GK: variants seen among roughly 807,000 people sequenced by gnomAD.
GK encodes the protein glycerol kinase, also known as ATP:glycerol 3-phosphotransferase.
A neutral mutation model predicts 56.4 loss-of-function variants in GK; 9 were observed. The observed-to-expected ratio is 0.16, with a 90% CI of 0.10 to 0.28. The LOEUF (loss-of-function observed/expected upper bound fraction) is 0.28. GK is among the 10% of genes least tolerant of loss of function. The pLI, the probability that GK is intolerant of heterozygous loss-of-function variation, is 1.00. For missense variants in GK, 161 were observed against 431.4 expected (o/e 0.37, Z 5.55); for synonymous variants, 104 against 144.1 (o/e 0.72, Z 1.99).
intron 16 of GK, 111 bp from the exon 17 acceptor site, chrX:30,720,510 T>A: frequency 1.4e-6 from 1 of 721,009 alleles, no homozygotes; most frequent in Non-Finnish European, 2.2e-6. Flanking sequence ...AGTCTCAATT[T>A]ATTCCATAGG....
chrX:30,654,493 A>G lies in GK; in HGVS notation c.78+878A>G, dbSNP rs182526092. Among the ~76,000 whole-genome samples the G allele has an allele frequency of 6.9e-4, 77 of 112,065 alleles. No homozygotes were observed. The South Asian group carries it at 7.4e-3, about 11-fold the overall frequency. ...CGCGGTGGCTTACACGTGTAATCCCAACAGTTTGGGAGGCTGAGGCGGGTG... is the reference window on the plus strand; with the variant it reads ...CGCGGTGGCTTACACGTGTAATCCCGACAGTTTGGGAGGCTGAGGCGGGTG... On this transcript the variant is annotated intron_variant, in intron 1 of 20. Transcript: ENST00000427190.
At chrX:30,708,927 T>G (rs1168708252) in intron 13 of GK, among the ~76,000 whole-genome samples, 1 of 111,903 alleles carries the variant, frequency 8.9e-6, no homozygotes, top group African/African-American at 3.2e-5. Context: ...AAACATTTTA[T>G]TAGTCATTAT....
chrX:30,671,248 G>A (rs1269562689), intron 3 of GK, among the ~76,000 whole-genome samples: 1 of 92,265 alleles, frequency 1.1e-5, no homozygotes, highest in Non-Finnish European at 2.0e-5. Flanking sequence ...CCGAGATGGC[G>A]CCATTGCACT....
intron 1 of GK, among the ~76,000 whole-genome samples, chrX:30,654,461 G>A (rs1053909056): frequency 8.9e-6 from 1 of 112,235 alleles, no homozygotes; most frequent in Admixed American, 9.5e-5. Context: ...AAGTAATTGA[G>A]GCCGGGCGCG....
At chrX:30,653,814 C>T (rs1350393254) in intron 1 of GK, among the ~76,000 whole-genome samples, 199 bp downstream of exon 1, 1 of 112,678 alleles carries the variant, frequency 8.9e-6, no homozygotes, top group Admixed American at 9.3e-5. Flanking sequence ...TCATGACCCC[C>T]ATGGCCGAGT....
chrX:30,669,009 G>A (rs1255066760), intron 3 of GK, among the ~76,000 whole-genome samples: 1 of 110,534 alleles, frequency 9.0e-6, no homozygotes, highest in Non-Finnish European at 1.9e-5. Flanking sequence ...TTTGGTTTTT[G>A]CCAGAGCTCC....
intron 2 of GK, among the ~76,000 whole-genome samples, 199 bp from the exon 3 acceptor site, chrX:30,667,813 A>G (rs1275334927): frequency 8.9e-6 from 1 of 112,260 alleles, no homozygotes; most frequent in Non-Finnish European, 1.9e-5. Context: ...ATTAATTACT[A>G]TGTGGAGAAT....
chrX:30,675,025 G>T (rs1933779255), intron 3 of GK, among the ~76,000 whole-genome samples: 1 of 110,921 alleles, frequency 9.0e-6, no homozygotes, highest in Non-Finnish European at 1.9e-5. Flanking sequence ...ATGTTTAGGT[G>T]GGGTCAGTTG....
chrX:30,711,856 G>C (rs570247585), intron 13 of GK, among the ~76,000 whole-genome samples: 16 of 111,585 alleles, frequency 1.4e-4, no homozygotes, highest in African/African-American at 3.9e-4. Flanking sequence ...TTTGCCCCAC[G>C]ATCACAACTT....
chrX:30,692,841 T>C (rs1188501665), intron 5 of GK, among the ~76,000 whole-genome samples: 2 of 109,488 alleles, frequency 1.8e-5, no homozygotes, highest in African/African-American at 6.6e-5. Context: ...AATTTACAGG[T>C]TGCATTAAAG....
chrX:30,717,135 G>T (rs1196634122), intron 13 of GK, among the ~76,000 whole-genome samples: 1 of 111,478 alleles, frequency 9.0e-6, no homozygotes, highest in Non-Finnish European at 1.9e-5. Context: ...TTGTAATTCA[G>T]TTAATAGAAC....
intron 5 of GK, 44 bp from the exon 6 acceptor site, chrX:30,694,356 T>C (rs371647856): frequency 1.1e-5 from 13 of 1,154,151 alleles, no homozygotes; most frequent in Non-Finnish European, 1.5e-5. Context: ...TGTTTTAAAC[T>C]GTTACACTTT....
intron 6 of GK, among the ~76,000 whole-genome samples, chrX:30,694,739 A>C (rs1294035307): frequency 1.8e-5 from 2 of 111,472 alleles, no homozygotes; most frequent in Non-Finnish European, 3.8e-5. Flanking sequence ...TTCTTGTCTT[A>C]CTTCAGTGAA....
Position 30,729,133 on chromosome X carries a change from T to C in GK, c.*391T>C, listed in dbSNP as rs1346858320. 4 of 165,287 alleles carry C rather than the reference T, an allele frequency of 2.4e-5. No individual in the cohort carries two copies. Among genetic ancestry groups the C allele is most frequent in the Non-Finnish European group, 4.6e-5 (4 of 87,516 alleles). The allele number at this position is 165,287 out of a possible 1,213,427, so 13.6% of individuals were successfully genotyped here. On this transcript the variant is annotated 3_prime_UTR_variant, in exon 21 of 21. Coordinates refer to ENST00000427190, the MANE Select transcript of GK (RefSeq NM_001205019.2). Reference sequence around the variant, plus strand: ...AGGATTTGAGTCTCTGCATGACATATACTTGATTAAAAGGTTATTACTAAC... The same window carrying C: ...AGGATTTGAGTCTCTGCATGACATACACTTGATTAAAAGGTTATTACTAAC...
intron 1 of GK, among the ~76,000 whole-genome samples, chrX:30,654,878 C>T (rs920867987): frequency 2.7e-5 from 3 of 111,992 alleles, no homozygotes; most frequent in Non-Finnish European, 5.6e-5. Context: ...TTCACTTTAC[C>T]GCAAATCATG....
intron 11 of GK, among the ~76,000 whole-genome samples, chrX:30,702,464 A>G (rs1935739814): frequency 1.8e-5 from 2 of 113,152 alleles, no homozygotes; most frequent in Non-Finnish European, 1.9e-5. Context: ...GCCAATGGCT[A>G]TTGTGTTACC....
chrX:30,653,810 C>T (rs942737338), intron 1 of GK, among the ~76,000 whole-genome samples, 195 bp downstream of exon 1: 1 of 112,671 alleles, frequency 8.9e-6, no homozygotes, highest in African/African-American at 3.2e-5. Context: ...CCTCTCATGA[C>T]CCCCATGGCC....
chrX:30,677,904 G>A lies in GK; in HGVS notation c.337+452G>A, dbSNP rs1378346811. The A allele has an allele frequency of 5.9e-6, 3 of 509,032 alleles. No individual in the cohort carries two copies. The African/African-American group carries it at 7.0e-5, about 12-fold the overall frequency. The allele number at this position is 509,032 out of a possible 1,213,427, so 41.9% of individuals were successfully genotyped here. On this transcript the variant is annotated intron_variant, in intron 4 of 20. Coordinates refer to ENST00000427190, the MANE Select transcript of GK (RefSeq NM_001205019.2). ...CTTGATGGGATGGGCAGAAGAGTCT[G>A]CTAAGAAATTAACTGTTGTATATTT...
chrX:30,700,409 A>T lies in GK; in HGVS notation c.748-5A>T, dbSNP rs186543786. On this transcript the variant is annotated splice_polypyrimidine_tract_variant and splice_region_variant and intron_variant, in intron 9 of 20. Coordinates refer to ENST00000427190, the MANE Select transcript of GK (RefSeq NM_001205019.2). ...ATTCATAATCCTTTTTTTAAATTTT[A>T]TTAGAAAGCTGGGGCCTTGGAAGGT... 2,388 of 1,198,266 alleles carry T rather than the reference A, an allele frequency of 2.0e-3. 10 individuals carry two copies. Among genetic ancestry groups the T allele is most frequent in the Middle Eastern group, 9.0e-3 (39 of 4,314 alleles).
Sources: gnomAD v4.1 joint callset for allele counts (sites outside exome capture counted in the v4.1 genomes callset) on GRCh38, gnomAD v4.1.1 for gene constraint, MANE v1.5 for transcripts, NCBI Gene and HGNC (gene_info 2026-07-23, HGNC 2026-07-21) for gene names.